Variants in ABCC8 observed in about 807,000 individuals in gnomAD.
ABCC8 encodes the protein ATP-binding cassette sub-family C member 8.
Under a neutral mutation model 188.0 loss-of-function variants are expected in ABCC8, and 137 were observed. The observed-to-expected ratio is 0.73, with a 90% confidence interval of 0.63 to 0.84. The LOEUF is 0.84. Ranked by LOEUF, ABCC8 falls within the 40% of genes least tolerant of loss-of-function variation. The pLI is 0.00. For missense variants in ABCC8, 1,750 were observed against 2,072.7 expected (o/e 0.84, Z 3.02); for synonymous variants, 797 against 846.5 (o/e 0.94, Z 1.01).
chr11:17,458,882 C>G (rs1957089374), intron 6 of ABCC8, among the ~76,000 whole-genome samples: 1 of 152,220 alleles, frequency 6.6e-6, no homozygotes, highest in Admixed American at 6.5e-5. Flanking sequence ...TCCCACAATT[C>G]CCTGAATATT....
intron 8 of ABCC8, among the ~76,000 whole-genome samples, chr11:17,446,226 A>G (rs943717109): frequency 1.2e-4 from 18 of 152,086 alleles, no homozygotes; most frequent in African/African-American, 4.3e-4. Flanking sequence ...TCAGCCTCCC[A>G]AAGTGCTGGG....
rs1164093289 is a variant in ABCC8, at chr11:17,405,084, G to A, written c.3399+410C>T. ...CCGGCCTTGCTCTCCCTTTATTATAGGCACGTATCTCATCTCTCCAGCTAC... is the reference window on the plus strand; with the variant it reads ...CCGGCCTTGCTCTCCCTTTATTATAAGCACGTATCTCATCTCTCCAGCTAC... On this transcript the variant is annotated intron_variant, in intron 27 of 38. Transcript: ENST00000389817. Among the ~76,000 whole-genome samples the A allele has an allele frequency of 2.6e-5, 4 of 152,266 alleles. No individual in the cohort carries two copies. In the South Asian group the frequency reaches 6.2e-4, roughly 24 times the overall value.
At chr11:17,393,259 T>C (rs1953723577) in intron 38 of ABCC8, 131 bp from the exon 39 acceptor site, 1 of 1,284,928 alleles carries the variant, frequency 7.8e-7, no homozygotes, top group Non-Finnish European at 1.1e-6. Context: ...CCTGTCACTG[T>C]GGGGACTGCA....
Position 17,401,208 on chromosome 11 carries a change from G to A in ABCC8, c.3650+1453C>T, listed in dbSNP as rs555675558. ...AAACTTAGAGCAAAGGCTAGGCTCA[G>A]TAATGTCGAGGGACCTGGAAGTTGA... On this transcript the variant is annotated intron_variant, in intron 29 of 38. Transcript: ENST00000389817. 1.3e-3 allele frequency among the ~76,000 whole-genome samples: 199 copies of A among 152,348 alleles called. 1 individual carries two copies. Among genetic ancestry groups the A allele is most frequent in the African/African-American group, 4.6e-3 (192 of 41,578 alleles).
At chr11:17,448,475 G>A in intron 8 of ABCC8, 41 bp downstream of exon 8, 8 of 1,576,398 alleles carry the variant, frequency 5.1e-6, no homozygotes, top group Non-Finnish European at 7.0e-6. Flanking sequence ...CTGGTTGTGT[G>A]TCCTGCTGCC....
intron 6 of ABCC8, among the ~76,000 whole-genome samples, chr11:17,459,969 C>T (rs140462583): frequency 1.4e-4 from 22 of 152,254 alleles, no homozygotes; most frequent in Admixed American, 3.9e-4. Context: ...AATAAAACTA[C>T]GGGCAGCTTT....
rs1591714060 is a variant in ABCC8 at position 17,396,973 on chromosome 11, G to A, written c.4062C>T (p.Asp1354=). The A allele has an allele frequency of 6.2e-7, 1 of 1,614,230 alleles. No individual in the cohort carries two copies. Among genetic ancestry groups the A allele is most frequent in the Non-Finnish European group, 8.5e-7 (1 of 1,180,030 alleles). ...IQIQNLSVRY[D]SSLKPVLKHV... is the part of the protein sequence containing the mutation. ...GCTTCAGCACCGGCTTCAGGGAGCTGTCGTAGCGCACGCTCAGGTTCTGGA... is the reference window on the plus strand; with the variant it reads ...GCTTCAGCACCGGCTTCAGGGAGCTATCGTAGCGCACGCTCAGGTTCTGGA... Residue 1354 remains aspartate (D), a synonymous_variant, in exon 33 of 39, where the codon GAC becomes GAT. Transcript: ENST00000389817.
chr11:17,453,768 G>A (rs1956897092), intron 6 of ABCC8, among the ~76,000 whole-genome samples: 1 of 152,126 alleles, frequency 6.6e-6, no homozygotes, highest in Non-Finnish European at 1.5e-5. Flanking sequence ...ACATGGCACC[G>A]TAGAGCTCTC....
chr11:17,402,900 CA>C, intron 28 of ABCC8, 147 bp from the exon 29 acceptor site: 3 of 916,522 alleles, frequency 3.3e-6, no homozygotes, highest in Non-Finnish European at 5.2e-6. Context: ...AGGGGGAAGA[CA>C]ATGCCACCAG....
At chr11:17,467,773 C>T (rs34256847) in intron 3 of ABCC8, among the ~76,000 whole-genome samples, 1 of 152,214 alleles carries the variant, frequency 6.6e-6, no homozygotes, top group South Asian at 2.1e-4. Context: ...ACAGGCACGT[C>T]CCCTCCACTT....
Position 17,427,860 on chromosome 11 carries a change from G to T in ABCC8, c.2116+7C>A. 1 of 1,613,936 alleles carries T rather than the reference G, an allele frequency of 6.2e-7. No homozygotes were observed. ...GGGGCATGCTGGAGGGGTGGACTGG[G>T]CCATACCTCGGGGGATACGAATGGT... On this transcript the variant is annotated splice_region_variant and intron_variant, in intron 15 of 38. Coordinates refer to ENST00000389817, the MANE Select transcript of ABCC8 (RefSeq NM_000352.6). The surrounding 1 kb of genome is among the most constrained non-coding windows in gnomAD (Gnocchi z 5.0).
At chr11:17,436,342 C>G (rs1055995453) in intron 10 of ABCC8, among the ~76,000 whole-genome samples, 2 of 152,066 alleles carry the variant, frequency 1.3e-5, no homozygotes, top group Non-Finnish European at 2.9e-5. Context: ...AGTCCTGTGC[C>G]CTAGCTGGGG....
intron 18 of ABCC8, 84 bp from the exon 19 acceptor site, chr11:17,414,694 C>G: frequency 6.3e-7 from 1 of 1,597,214 alleles, no homozygotes; most frequent in Non-Finnish European, 8.5e-7. Flanking sequence ...GCTGATGGCT[C>G]AGATGGAGGC....
intron 29 of ABCC8, among the ~76,000 whole-genome samples, chr11:17,399,495 GC>G (rs1223263055): frequency 6.6e-6 from 1 of 151,956 alleles, no homozygotes; most frequent in Non-Finnish European, 1.5e-5. Context: ...TTCCTGGAAG[GC>G]TTTTGCCCTT....
At chr11:17,456,118 G>A (rs1276754589) in intron 6 of ABCC8, among the ~76,000 whole-genome samples, 2 of 151,920 alleles carry the variant, frequency 1.3e-5, no homozygotes, top group African/African-American at 2.4e-5. Context: ...AAAGACCAAG[G>A]ACCTACAACC....
At chr11:17,394,194 T>G in intron 37 of ABCC8, 72 bp downstream of exon 37, 1 of 1,570,170 alleles carries the variant, frequency 6.4e-7, no homozygotes, top group Non-Finnish European at 8.7e-7. Context: ...GACTACTTCG[T>G]GCAAATTTCT....
intron 6 of ABCC8, among the ~76,000 whole-genome samples, chr11:17,458,322 A>G (rs1403116612): frequency 1.3e-5 from 2 of 152,090 alleles, no homozygotes; most frequent in African/African-American, 4.8e-5. Context: ...AATAAACCCC[A>G]GGGTTTGTGT....
chr11:17,458,324 G>A (rs1490394541), intron 6 of ABCC8, among the ~76,000 whole-genome samples: 1 of 152,148 alleles, frequency 6.6e-6, no homozygotes, highest in Non-Finnish European at 1.5e-5. Context: ...TAAACCCCAG[G>A]GTTTGTGTAT....
At chr11:17,438,830 A>T (rs1011396400) in intron 10 of ABCC8, among the ~76,000 whole-genome samples, 5 of 152,194 alleles carry the variant, frequency 3.3e-5, no homozygotes, top group Non-Finnish European at 5.9e-5. Context: ...TTTGCTGTGG[A>T]AGACCTCACT....
Sources: gnomAD v4.1 joint callset for allele counts (sites outside exome capture counted in the v4.1 genomes callset) on GRCh38, gnomAD v4.1.1 for gene constraint, Gnocchi (gnomAD v3.1) non-coding constraint, MANE v1.5 for transcripts, NCBI Gene and HGNC (gene_info 2026-07-23, HGNC 2026-07-21) for gene names.